The following TMEM167A variants were observed in gnomAD, a reference collection of about 807,000 sequenced individuals.
TMEM167A encodes transmembrane protein 167A, also known as protein kish-A.
TMEM167A carries 8 observed loss-of-function variants against 11.6 expected under a neutral mutation model. The observed-to-expected ratio is 0.69, with a 90% CI of 0.40 to 1.24. TMEM167A has a LOEUF of 1.24. TMEM167A is among the 50% of genes most tolerant of loss of function. The pLI is 0.01. For synonymous variants in TMEM167A, 22 were observed against 28.0 expected, an observed-to-expected ratio of 0.79 and a Z score of 0.67; for missense variants, 62 against 87.0, an observed-to-expected ratio of 0.71 and a Z score of 1.14.
intron 3 of TMEM167A, 48 bp downstream of exon 3, chr5:83,061,829 G>C: frequency 6.6e-7 from 1 of 1,517,542 alleles, no homozygotes; most frequent in South Asian, 1.1e-5. Flanking sequence ...AAGTAAATTG[G>C]TCAACAATTT....
At chr5:83,065,169 T>TA (rs746806082) in intron 1 of TMEM167A, 52 bp from the exon 2 acceptor site, 15 of 1,161,902 alleles carry the variant, frequency 1.3e-5, no homozygotes, top group Non-Finnish European at 1.7e-5. Flanking sequence ...ACTGCATAGG[T>TA]AAAAAATGTT....
chr5:83,062,786 G>A (rs1009280901), intron 2 of TMEM167A, among the ~76,000 whole-genome samples: 11 of 151,010 alleles, frequency 7.3e-5, no homozygotes, highest in South Asian at 2.1e-4. Flanking sequence ...ATTATGTTAC[G>A]TAAATTCGAA....
At position 83,064,998 on chromosome 5, in the gene TMEM167A, A is replaced by G; in HGVS notation, c.113+10T>C. 1 of 1,525,116 alleles carries G rather than the reference A, an allele frequency of 6.6e-7. No individual in the cohort carries two copies. Among genetic ancestry groups the G allele is most frequent in the Non-Finnish European group, 9.0e-7 (1 of 1,106,344 alleles). 94.5% of individuals were successfully genotyped at this position (1,525,116 alleles called of 1,614,324 possible). ...CTAATTTGGGTGATTAGACATCATT[A>G]GTAACATACCCAGTTTTATTTCTGT... is the stretch of plus-strand genomic sequence containing the variant. On this transcript the variant is annotated intron_variant, in intron 2 of 3. Transcript: ENST00000502346.
At chr5:83,068,304 A>G (rs944123252) in intron 1 of TMEM167A, among the ~76,000 whole-genome samples, 2 of 152,194 alleles carry the variant, frequency 1.3e-5, no homozygotes, top group African/African-American at 4.8e-5. Flanking sequence ...TATGGCTAAC[A>G]ATAGCAATTA....
intron 2 of TMEM167A, among the ~76,000 whole-genome samples, chr5:83,062,785 C>T (rs893530372): frequency 9.3e-5 from 14 of 150,382 alleles, no homozygotes; most frequent in Non-Finnish European, 1.8e-4. Context: ...TATTATGTTA[C>T]GTAAATTCGA....
chr5:83,073,559 G>A (rs1424739593), intron 1 of TMEM167A, among the ~76,000 whole-genome samples: 1 of 152,216 alleles, frequency 6.6e-6, no homozygotes, highest in African/African-American at 2.4e-5. Flanking sequence ...TCAGTTCAGT[G>A]TTGACGGTGC....
In TMEM167A at chr5:83,061,893, C is replaced by T. The variant is rs1395380287; in HGVS notation, c.132G>A (p.Trp44Ter). The part of the protein sequence containing the change: ...RNKTGLLGIF[W>*]KCARIGERKS... ...GACACTTACCAATTCTGGCACACTT[C>T]CAAAATATACCCAACAATCTGCATA... is the stretch of plus-strand genomic sequence containing the variant. The change falls in exon 3 of 4, where the codon TGG becomes TGA. Residue 44 changes from tryptophan (W) to a stop codon, truncating the protein, a stop_gained. Coordinates refer to ENST00000502346, the MANE Select transcript of TMEM167A (RefSeq NM_174909.5). LOFTEE classifies it high-confidence loss of function. The T allele has an allele frequency of 1.9e-6, 3 of 1,612,678 alleles. No individual in the cohort carries two copies. In the South Asian group the frequency reaches 3.3e-5, roughly 18 times the overall value.
intron 3 of TMEM167A, among the ~76,000 whole-genome samples, chr5:83,058,398 TA>T (rs554632758): frequency 2.0e-5 from 3 of 151,822 alleles, no homozygotes; most frequent in Non-Finnish European, 2.9e-5. Context: ...GCCTTCCGGC[TA>T]AAAAAAATCT....
In TMEM167A at chr5:83,056,675, C is replaced by G. The variant is rs1744336445; in HGVS notation, c.*409G>C. Reference sequence around the variant, plus strand: ...CAATCCTTATCAACACAAATTGAGCCATTTTAATAAAAAAGCTAGTCCAAA... The same window carrying G: ...CAATCCTTATCAACACAAATTGAGCGATTTTAATAAAAAAGCTAGTCCAAA... On this transcript the variant is annotated 3_prime_UTR_variant, in exon 4 of 4. Transcript: ENST00000502346. 4.4e-6 allele frequency: 1 copy of G among 229,094 alleles called. No homozygotes were observed. Among genetic ancestry groups the G allele is most frequent in the South Asian group, 5.5e-5 (1 of 18,072 alleles). 14.2% of individuals were successfully genotyped at this position (229,094 alleles called of 1,614,324 possible). A position where few individuals can be genotyped will look rare whatever the true frequency, so the allele number is the denominator to read the frequency against.
intron 1 of TMEM167A, among the ~76,000 whole-genome samples, chr5:83,066,241 C>T (rs1213829313): frequency 6.6e-6 from 1 of 152,098 alleles, no homozygotes; most frequent in Non-Finnish European, 1.5e-5. Flanking sequence ...CACACAACAG[C>T]CAGCAATATG....
rs9331315 is a variant in TMEM167A, at chr5:83,075,744, C to CA, written c.3+1576dup. On this transcript the variant is annotated intron_variant, in intron 1 of 3. Coordinates refer to ENST00000502346, the MANE Select transcript of TMEM167A (RefSeq NM_174909.5). ...TGGGCAACAGAGGGAGACTCCATCT[C>CA]AAAAAAAAAAAAAATCATTAAAATA... Among the ~76,000 whole-genome samples, 301 of 140,876 alleles carry CA rather than the reference C, an allele frequency of 2.1e-3. 2 individuals are homozygous for CA. The highest frequency in any genetic ancestry group is 3.9e-3 in the Admixed American group (53 of 13,728). 92.4% of individuals were successfully genotyped at this position (140,876 alleles called of 152,430 possible).
intron 1 of TMEM167A, among the ~76,000 whole-genome samples, chr5:83,067,090 C>G (rs989638792): frequency 2.0e-5 from 3 of 152,032 alleles, no homozygotes; most frequent in African/African-American, 7.2e-5. Context: ...GATTAAGAAA[C>G]CTGGTATGCC....
intron 1 of TMEM167A, among the ~76,000 whole-genome samples, chr5:83,073,148 G>A (rs1374128683): frequency 1.3e-5 from 2 of 152,182 alleles, no homozygotes; most frequent in Non-Finnish European, 2.9e-5. Flanking sequence ...CTATTTATAA[G>A]CAGTGTGATG....
At chr5:83,067,049 T>C (rs886260845) in intron 1 of TMEM167A, among the ~76,000 whole-genome samples, 1 of 152,162 alleles carries the variant, frequency 6.6e-6, no homozygotes, top group Non-Finnish European at 1.5e-5. Context: ...TTACCCAATT[T>C]CAGTTTTTTT....
In TMEM167A at chr5:83,053,793, C is replaced by T. The variant is rs1252936350; in HGVS notation, c.*3291G>A. ...AGCAGTGCTCCTCTGGAAGTTCACA[C>T]CCTAACTGAACTGTCACTCTTCTTT... On this transcript the variant is annotated 3_prime_UTR_variant, in exon 4 of 4. Transcript: ENST00000502346. 6.6e-6 allele frequency: 1 copy of T among 152,058 alleles called. No individual in the cohort carries two copies. 9.4% of individuals were successfully genotyped at this position (152,058 alleles called of 1,614,324 possible). A position where few individuals can be genotyped will look rare whatever the true frequency, so the allele number is the denominator to read the frequency against.
chr5:83,065,072 G>A lies in TMEM167A; in HGVS notation c.49C>T (p.Leu17Phe). ...FQSLLTVILLLICTCAYIRSL... is the reference protein window; with the variant it reads ...FQSLLTVILLFICTCAYIRSL... Reference sequence around the variant, plus strand: ...CGAATATAAGCACAGGTACATATAAGCAGCAAGATTACAGTCAATAGACTC... The same window carrying A: ...CGAATATAAGCACAGGTACATATAAACAGCAAGATTACAGTCAATAGACTC... The change falls in exon 2 of 4, where the codon CTT (leucine) becomes TTT (phenylalanine). Residue 17 changes from leucine to phenylalanine, a missense_variant. Coordinates refer to ENST00000502346, the MANE Select transcript of TMEM167A (RefSeq NM_174909.5). 6.2e-7 allele frequency: 1 copy of A among 1,604,582 alleles called. No individual in the cohort carries two copies. The highest frequency in any genetic ancestry group is 8.5e-7 in the Non-Finnish European group (1 of 1,177,618).
intron 2 of TMEM167A, among the ~76,000 whole-genome samples, chr5:83,064,806 G>A (rs1350176005): frequency 6.6e-6 from 1 of 151,926 alleles, no homozygotes; most frequent in Non-Finnish European, 1.5e-5. Flanking sequence ...ACACATTTTA[G>A]GTCACTTCTG....
At chr5:83,057,179 T>A in intron 3 of TMEM167A, 25 bp from the exon 4 acceptor site, 1 of 1,606,582 alleles carries the variant, frequency 6.2e-7, no homozygotes, top group Non-Finnish European at 8.5e-7. Context: ...GAGATGTTCA[T>A]CTTGATTAAC....
intron 2 of TMEM167A, chr5:83,064,147 T>C: frequency 2.3e-6 from 1 of 443,386 alleles, no homozygotes; most frequent in South Asian, 1.7e-5. Flanking sequence ...TTTCAAACAG[T>C]TGACTGTATT....
Sources: gnomAD v4.1 joint callset for allele counts (sites outside exome capture counted in the v4.1 genomes callset) on GRCh38, gnomAD v4.1.1 for gene constraint, MANE v1.5 for transcripts, NCBI Gene and HGNC (gene_info 2026-07-23, HGNC 2026-07-21) for gene names.